Variants in DDX19B observed in about 807,000 individuals in gnomAD.
DDX19B encodes ATP-dependent RNA helicase DDX19B.
In DDX19B, 27 loss-of-function variants were observed where a neutral mutation model predicts 58.1. That is an observed-to-expected ratio of 0.46 (90% CI 0.34 to 0.64). The LOEUF is 0.64. Ranked by LOEUF, DDX19B falls within the 30% of genes least tolerant of loss-of-function variation. DDX19B has a pLI of 0.01. For synonymous variants in DDX19B, 187 were observed against 214.4 expected, an observed-to-expected ratio of 0.87 and a Z score of 1.12; for missense variants, 399 against 596.5, an observed-to-expected ratio of 0.67 and a Z score of 3.45.
rs1963081078 is a variant in DDX19B, at chr16:70,325,228, A to C, written c.493-346A>C. The stretch of plus-strand genomic sequence containing the variant: ...AGGCTTGGCTCCTTTACTTGCAGGA[A>C]AACCTGTTTCATCAGCAACTGCCAT... On this transcript the variant is annotated intron_variant, in intron 6 of 11. Coordinates refer to ENST00000288071, the MANE Select transcript of DDX19B (RefSeq NM_007242.7). Among the ~76,000 whole-genome samples, 3 of 152,266 alleles carry C rather than the reference A, an allele frequency of 2.0e-5. No individual in the cohort carries two copies. In the South Asian group the frequency reaches 6.2e-4, roughly 32 times the overall value.
chr16:70,316,211 G>T, intron 4 of DDX19B, 107 bp downstream of exon 4: 116 of 1,210,056 alleles, frequency 9.6e-5, no homozygotes, highest in South Asian at 2.6e-4. Flanking sequence ...AGCTAACCAA[G>T]TTTTTTTTTT....
chr16:70,314,869 A>T, intron 2 of DDX19B, 33 bp from the exon 3 acceptor site: 1 of 1,605,824 alleles, frequency 6.2e-7, no homozygotes, highest in East Asian at 2.2e-5. Context: ...ATGGGATGCG[A>T]TTTTGAATGA....
chr16:70,316,037 G>C lies in DDX19B; in HGVS notation c.229G>C (p.Val77Leu), dbSNP rs1962380873. The change falls in exon 4 of 12, where the codon GTG becomes CTG. Residue 77 changes from valine (V) to leucine (L), a missense_variant. Around this residue, in one of 4 missense-constraint regions of DDX19B, gnomAD observed 132 missense variants for 159.4 expected, o/e 0.83. Coordinates refer to ENST00000288071, the MANE Select transcript of DDX19B (RefSeq NM_007242.7). ...CAACCTTGTTGATAACACAAACCAA[G>C]TGGAAGTCCTGCAGCGGGATCCAAA... ...RSNLVDNTNQ[V>L]EVLQRDPNSP... 1 of 1,614,104 alleles carries C rather than the reference G, an allele frequency of 6.2e-7. No homozygotes were observed. The highest frequency in any genetic ancestry group is 2.2e-5 in the East Asian group (1 of 44,876).
chr16:70,330,177 T>G, intron 9 of DDX19B, 109 bp downstream of exon 9: 2 of 1,319,524 alleles, frequency 1.5e-6, no homozygotes, highest in Non-Finnish European at 2.1e-6. Context: ...ACGAAGTGGT[T>G]TGTTCTCCTA....
rs1365566105 is a variant in DDX19B at position 70,312,640 on chromosome 16, T to G, written c.89T>G (p.Ile30Ser). ...LSNLHLKEEK[I>S]KPDTNGAVVK... Reference sequence around the variant, plus strand: ...AACTTGCATCTTAAGGAAGAGAAAATCAAACCAGATACCAATGGTAAGTAA... The same window carrying G: ...AACTTGCATCTTAAGGAAGAGAAAAGCAAACCAGATACCAATGGTAAGTAA... Residue 30 changes from isoleucine (I) to serine (S), a missense_variant, in exon 2 of 12, where the codon ATC (isoleucine) becomes AGC (serine). Coordinates refer to ENST00000288071, the MANE Select transcript of DDX19B (RefSeq NM_007242.7). The G allele has an allele frequency of 6.2e-7, 1 of 1,612,486 alleles. No individual in the cohort carries two copies. The highest frequency in any genetic ancestry group is 8.5e-7 in the Non-Finnish European group (1 of 1,178,922).
At chr16:70,308,813 G>GTT (rs532007793) in intron 1 of DDX19B, among the ~76,000 whole-genome samples, 5 of 145,232 alleles carry the variant, frequency 3.4e-5, no homozygotes, top group African/African-American at 1.2e-4. Context: ...GTGCCCAGCT[G>GTT]TTTTTTTTTT....
In DDX19B at chr16:70,317,076, C is replaced by T. The variant is rs1475284015; in HGVS notation, c.297-420C>T. On this transcript the variant is annotated intron_variant, in intron 4 of 11. Coordinates refer to ENST00000288071, the MANE Select transcript of DDX19B (RefSeq NM_007242.7). ...AAAAAAAATTAGCAGGGCATGTTGG[C>T]GGGTGCCTGTAGTACCAGGTACTCA... Among the ~76,000 whole-genome samples the T allele has an allele frequency of 4.6e-5, 7 of 151,776 alleles. No homozygotes were observed. In the South Asian group the frequency reaches 1.0e-3, roughly 23 times the overall value.
At chr16:70,327,512 G>A (rs1312916627) in intron 7 of DDX19B, among the ~76,000 whole-genome samples, 3 of 151,748 alleles carry the variant, frequency 2.0e-5, no homozygotes, top group Admixed American at 6.6e-5. Flanking sequence ...CAGCCTGGGC[G>A]ATAGAGCAAG....
chr16:70,317,716 T>G, intron 5 of DDX19B, 128 bp downstream of exon 5: 1 of 692,248 alleles, frequency 1.4e-6, no homozygotes, highest in South Asian at 2.1e-5. Context: ...GGCAGGAGGA[T>G]CGTTTCAGGC....
chr16:70,292,488 G>A (rs1235979328), upstream of DDX19B, among the ~76,000 whole-genome samples: 1 of 152,146 alleles, frequency 6.6e-6, no homozygotes, highest in Non-Finnish European at 1.5e-5. Context: ...AATTGTAATT[G>A]AGGCCCAAAA....
intron 4 of DDX19B, among the ~76,000 whole-genome samples, chr16:70,316,679 T>C (rs1962435496): frequency 6.6e-6 from 1 of 152,184 alleles, no homozygotes; most frequent in Non-Finnish European, 1.5e-5. Flanking sequence ...ATACTGTAGA[T>C]GCTTTGGGAT....
chr16:70,312,999 C>T (rs11865783), intron 2 of DDX19B, among the ~76,000 whole-genome samples: 8,839 of 150,874 alleles, frequency 0.059, 875 homozygotes, highest in African/African-American at 0.2. Flanking sequence ...CAACCCACTA[C>T]GCCCAACTAA....
At chr16:70,318,416 A>G (rs1263646853) in intron 5 of DDX19B, among the ~76,000 whole-genome samples, 4 of 151,708 alleles carry the variant, frequency 2.6e-5, no homozygotes, top group East Asian at 1.9e-4. Flanking sequence ...AATCATCTGT[A>G]ATCTCCCTCT....
At chr16:70,319,574 C>CT (rs1184728178) in intron 5 of DDX19B, 10 of 88,614 alleles carry the variant, frequency 1.1e-4, no homozygotes, top group African/African-American at 6.4e-4. Context: ...AATTCTGAAT[C>CT]TCTTTTTTTT....
intron 1 of DDX19B, among the ~76,000 whole-genome samples, chr16:70,310,072 C>G (rs1279629446): frequency 6.6e-6 from 1 of 151,294 alleles, no homozygotes; most frequent in East Asian, 2.0e-4. Context: ...AGTAAGATCC[C>G]AACTCTACAA....
At chr16:70,292,175 T>C (rs1052668369), upstream of DDX19B, among the ~76,000 whole-genome samples, 2 of 152,080 alleles carry the variant, frequency 1.3e-5, no homozygotes, top group Admixed American at 6.6e-5. Flanking sequence ...TTTCCTTTTT[T>C]TGAGGCAGAG....
At chr16:70,329,183 A>G (rs1488039136) in intron 7 of DDX19B, 109 bp from the exon 8 acceptor site, 4 of 1,434,984 alleles carry the variant, frequency 2.8e-6, no homozygotes, top group Non-Finnish European at 3.8e-6. Flanking sequence ...AGATCATGCC[A>G]TTGCACTCCA....
At chr16:70,321,871 T>C (rs778253105) in intron 5 of DDX19B, among the ~76,000 whole-genome samples, 3 of 150,784 alleles carry the variant, frequency 2.0e-5, no homozygotes, top group Non-Finnish European at 4.4e-5. Context: ...CCATCTCTAC[T>C]AAAAATACAA....
upstream of DDX19B, chr16:70,299,114 A>G: frequency 6.0e-6 from 8 of 1,330,128 alleles, no homozygotes; most frequent in Non-Finnish European, 7.7e-6. Context: ...CAGAATCGAC[A>G]GCCTCAAGTG....
Sources: gnomAD v4.1 joint callset for allele counts (sites outside exome capture counted in the v4.1 genomes callset) on GRCh38, gnomAD v4.1.1 for gene constraint, gnomAD v4.1.1 regional missense constraint, MANE v1.5 for transcripts, NCBI Gene and HGNC (gene_info 2026-07-23, HGNC 2026-07-21) for gene names.